Variants in ARHGAP24 observed in about 807,000 individuals in gnomAD.
ARHGAP24 encodes the protein Rho GTPase activating protein 24, also known as rho GTPase-activating protein 24.
A neutral mutation model predicts 76.4 loss-of-function variants in ARHGAP24; 50 were observed. The observed-to-expected ratio is 0.65, with a 90% CI of 0.52 to 0.83. The LOEUF (loss-of-function observed/expected upper bound fraction) is 0.83. ARHGAP24 is among the 40% of genes least tolerant of loss of function. ARHGAP24 has a pLI of 0.00. For synonymous variants in ARHGAP24, 345 were observed against 323.3 expected (o/e 1.07, Z -0.72); for missense variants, 930 against 914.2 (o/e 1.02, Z -0.22).
intron 1 of ARHGAP24, among the ~76,000 whole-genome samples, chr4:85,478,584 CTT>C (rs1722692452): frequency 6.6e-6 from 1 of 152,232 alleles, no homozygotes; most frequent in South Asian, 2.1e-4. Context: ...GTGTAAGTCT[CTT>C]TATCTAAAAC....
At chr4:85,539,552 T>C (rs1264985290) in intron 1 of ARHGAP24, among the ~76,000 whole-genome samples, 1 of 152,204 alleles carries the variant, frequency 6.6e-6, no homozygotes, top group African/African-American at 2.4e-5. Flanking sequence ...GAAATTCTGT[T>C]ATTATAGAAA....
At chr4:85,678,070 T>A (rs747884746) in intron 2 of ARHGAP24, among the ~76,000 whole-genome samples, 7 of 151,600 alleles carry the variant, frequency 4.6e-5, no homozygotes, top group East Asian at 3.9e-4. Context: ...AAAAAAATTT[T>A]AAAAAAAGGC....
At chr4:85,653,411 C>T (rs977394434) in intron 2 of ARHGAP24, among the ~76,000 whole-genome samples, 8 of 152,048 alleles carry the variant, frequency 5.3e-5, no homozygotes, top group Non-Finnish European at 1.5e-5. Context: ...ATTGCAGATG[C>T]TCTAGATTTG....
At chr4:85,946,516 G>A (rs925494806) in intron 5 of ARHGAP24, among the ~76,000 whole-genome samples, 5 of 152,048 alleles carry the variant, frequency 3.3e-5, no homozygotes, top group Non-Finnish European at 5.9e-5. Flanking sequence ...AGTATCTGTT[G>A]TTCCCATTTT....
At chr4:85,920,059 G>C (rs191247464) in intron 3 of ARHGAP24, among the ~76,000 whole-genome samples, 2 of 152,176 alleles carry the variant, frequency 1.3e-5, no homozygotes, top group African/African-American at 4.8e-5. Context: ...GTGTGCATAT[G>C]TGTATCAAGA....
chr4:85,907,030 G>A (rs1047716999), intron 3 of ARHGAP24, among the ~76,000 whole-genome samples: 13 of 152,090 alleles, frequency 8.5e-5, no homozygotes, highest in Admixed American at 8.5e-4. Context: ...TTTCATCTTC[G>A]TTAGAATCAA....
chr4:85,908,697 C>T (rs1028282494), intron 3 of ARHGAP24, among the ~76,000 whole-genome samples: 1 of 152,006 alleles, frequency 6.6e-6, no homozygotes, highest in Non-Finnish European at 1.5e-5. Context: ...TGGTAGAACT[C>T]TGAATAAGAG....
intron 8 of ARHGAP24, 115 bp from the exon 9 acceptor site, chr4:85,994,468 G>T (rs1289039963): frequency 2.9e-6 from 3 of 1,025,000 alleles, no homozygotes; most frequent in South Asian, 1.3e-5. Flanking sequence ...ATATGGTTTG[G>T]TACTGATAAT....
intron 2 of ARHGAP24, among the ~76,000 whole-genome samples, chr4:85,667,869 T>G (rs1015254768): frequency 3.3e-5 from 5 of 152,226 alleles, no homozygotes; most frequent in African/African-American, 1.2e-4. Context: ...TGCTATTTTT[T>G]TCTCATTGAT....
intron 2 of ARHGAP24, among the ~76,000 whole-genome samples, chr4:85,653,674 G>A (rs1722030585): frequency 1.3e-5 from 2 of 151,846 alleles, no homozygotes; most frequent in African/African-American, 4.8e-5. Context: ...TAGCAGCGAG[G>A]GGGTTTCACC....
At chr4:85,651,711 A>C (rs1721951553) in intron 2 of ARHGAP24, among the ~76,000 whole-genome samples, 1 of 137,392 alleles carries the variant, frequency 7.3e-6, no homozygotes. Flanking sequence ...AAGTGCTCTT[A>C]AATTATTTGC....
At chr4:85,735,953 T>C (rs748047156) in intron 3 of ARHGAP24, among the ~76,000 whole-genome samples, 7 of 152,126 alleles carry the variant, frequency 4.6e-5, no homozygotes, top group Non-Finnish European at 8.8e-5. Flanking sequence ...CTACCCCCGA[T>C]GTATTTTATT....
chr4:85,727,086 G>T (rs1442500375), intron 3 of ARHGAP24, among the ~76,000 whole-genome samples: 1 of 152,042 alleles, frequency 6.6e-6, no homozygotes, highest in African/African-American at 2.4e-5. Context: ...TGGGCGTGTT[G>T]GTGGGCGCCT....
chr4:85,743,392 C>CAAAAAAAAAAA (rs774717006), intron 3 of ARHGAP24, among the ~76,000 whole-genome samples: 2 of 43,346 alleles, frequency 4.6e-5, no homozygotes, highest in Non-Finnish European at 8.1e-5. Context: ...GATCCCATCT[C>CAAAAAAAAAAA]AAAAAAAAAA....
At chr4:85,848,386 A>C (rs6840367) in intron 3 of ARHGAP24, among the ~76,000 whole-genome samples, 72,303 of 151,836 alleles carry the variant, frequency 0.48, 18,714 homozygotes, top group East Asian at 0.86. Flanking sequence ...CCCTGTGTCC[A>C]AGTGTTCTCA....
At position 85,995,052 on chromosome 4, in the gene ARHGAP24, G is replaced by A; in HGVS notation, c.1398G>A (p.Lys466=). 4.3e-6 allele frequency: 7 copies of A among 1,614,026 alleles called. No individual in the cohort carries two copies. The highest frequency in any genetic ancestry group is 5.9e-6 in the Non-Finnish European group (7 of 1,179,998). Residue 466 remains lysine, a synonymous_variant, in exon 9 of 10, where the codon AAG becomes AAA. Coordinates refer to ENST00000395184, the MANE Select transcript of ARHGAP24 (RefSeq NM_001025616.3). The part of the protein sequence containing the change: ...SLQARRSSSL[K]VSGTKMGTHS... ...AGGCCAGAAGGAGCTCTTCACTGAA[G>A]GTATCTGGTACCAAAATGGGCACGC...
At chr4:85,803,547 G>A (rs1051370772) in intron 3 of ARHGAP24, among the ~76,000 whole-genome samples, 2 of 152,094 alleles carry the variant, frequency 1.3e-5, no homozygotes, top group African/African-American at 4.8e-5. Context: ...CTTTGTATTT[G>A]TATCTATTTC....
intron 3 of ARHGAP24, among the ~76,000 whole-genome samples, chr4:85,854,454 T>A (rs1200215334): frequency 1.3e-5 from 2 of 152,212 alleles, no homozygotes; most frequent in Non-Finnish European, 2.9e-5. Context: ...TCAATTTGTT[T>A]TCTGAAAATT....
Position 85,941,915 on chromosome 4 carries a change from A to T in ARHGAP24, c.392-151A>T, listed in dbSNP as rs550678438. 4 of 781,806 alleles carry T rather than the reference A, an allele frequency of 5.1e-6. No individual in the cohort carries two copies. The East Asian group carries it at 1.1e-4, about 21-fold the overall frequency. 48.4% of individuals were successfully genotyped at this position (781,806 alleles called of 1,614,324 possible). On this transcript the variant is annotated intron_variant, in intron 4 of 9. Coordinates refer to ENST00000395184, the MANE Select transcript of ARHGAP24 (RefSeq NM_001025616.3). ...CCATTTGAGGAATTGTATATAATGA[A>T]TTTGATTGTATAATAATGTGAAATA...
Sources: allele counts gnomAD v4.1 joint callset (sites outside exome capture counted in the v4.1 genomes callset), GRCh38; gene constraint gnomAD v4.1.1; transcripts MANE v1.5; gene names NCBI Gene and HGNC (gene_info 2026-07-23, HGNC 2026-07-21).